The following MMP16 variants were observed in gnomAD, a reference collection of about 807,000 sequenced individuals.
MMP16 encodes the protein matrix metalloproteinase-16.
In MMP16, 12 loss-of-function variants were observed where a neutral mutation model predicts 67.8. The observed-to-expected ratio is 0.18, with a 90% CI of 0.11 to 0.29. The LOEUF (loss-of-function observed/expected upper bound fraction) is 0.29, where lower values mean the gene tolerates loss of function less well. Ranked by LOEUF, MMP16 falls within the 10% of genes least tolerant of loss-of-function variation. MMP16 has a pLI of 1.00. For missense variants in MMP16, 475 were observed against 765.7 expected (o/e 0.62, Z 4.48); for synonymous variants, 249 against 255.9 (o/e 0.97, Z 0.26).
intron 3 of MMP16, among the ~76,000 whole-genome samples, chr8:88,179,298 T>C (rs1282696465): frequency 3.9e-5 from 6 of 152,028 alleles, no homozygotes; most frequent in Non-Finnish European, 7.4e-5. Context: ...ACAAAGGGGC[T>C]TGAAATATTC....
At chr8:88,287,294 C>T (rs1300254410) in intron 1 of MMP16, among the ~76,000 whole-genome samples, 1 of 152,170 alleles carries the variant, frequency 6.6e-6, no homozygotes, top group Admixed American at 6.6e-5. Flanking sequence ...CTCCCCATTC[C>T]TTCTGTATGT....
intron 1 of MMP16, among the ~76,000 whole-genome samples, chr8:88,263,998 G>A (rs969914179): frequency 6.8e-5 from 10 of 147,594 alleles, no homozygotes; most frequent in Non-Finnish European, 1.1e-4. Context: ...GTGTGTGTGT[G>A]TGTGTGTGTG....
intron 1 of MMP16, among the ~76,000 whole-genome samples, chr8:88,197,937 C>A (rs1410424670): frequency 6.6e-6 from 1 of 152,148 alleles, no homozygotes. Context: ...CTAAATCACA[C>A]AAGTAACCAA....
At chr8:88,257,574 C>T (rs948025151) in intron 1 of MMP16, among the ~76,000 whole-genome samples, 1 of 152,078 alleles carries the variant, frequency 6.6e-6, no homozygotes, top group African/African-American at 2.4e-5. Context: ...ATTTATGGGG[C>T]TTAATATCAT....
chr8:88,266,713 G>GA (rs891079264), intron 1 of MMP16, among the ~76,000 whole-genome samples: 54 of 148,844 alleles, frequency 3.6e-4, no homozygotes, highest in Admixed American at 7.4e-4. Context: ...TAAAAACACA[G>GA]AAAAAAAAAA....
At chr8:88,173,897 T>A (rs925350533) in intron 3 of MMP16, among the ~76,000 whole-genome samples, 6 of 152,282 alleles carry the variant, frequency 3.9e-5, no homozygotes, top group Admixed American at 3.3e-4. Flanking sequence ...ACATATTACA[T>A]TGGGTGTTGT....
At chr8:88,275,418 A>G (rs1012012275) in intron 1 of MMP16, among the ~76,000 whole-genome samples, 6 of 151,980 alleles carry the variant, frequency 3.9e-5, no homozygotes, top group Admixed American at 3.9e-4. Context: ...AAGGGTTTGA[A>G]TAATGACTTT....
Position 88,122,085 on chromosome 8 carries a change from C to G in MMP16, c.710-3224G>C, listed in dbSNP as rs1427288360. ...CAAGAGGTCATCACTACCCGGAGTTCTGAATTTCTCATTGCACTGCTTACA... is the reference window on the plus strand; with the variant it reads ...CAAGAGGTCATCACTACCCGGAGTTGTGAATTTCTCATTGCACTGCTTACA... On this transcript the variant is annotated intron_variant, in intron 4 of 9. Coordinates refer to ENST00000286614, the MANE Select transcript of MMP16 (RefSeq NM_005941.5). Among the ~76,000 whole-genome samples, 3 of 152,146 alleles carry G rather than the reference C, an allele frequency of 2.0e-5. No individual in the cohort carries two copies. In the East Asian group the frequency reaches 5.9e-4, roughly 30 times the overall value.
At chr8:88,071,560 T>C (rs945566535) in intron 7 of MMP16, among the ~76,000 whole-genome samples, 1 of 152,086 alleles carries the variant, frequency 6.6e-6, no homozygotes, top group African/African-American at 2.4e-5. Context: ...GCAAAGAGGC[T>C]AAATAAAAGA....
At chr8:88,154,712 T>A (rs1808477117) in intron 4 of MMP16, among the ~76,000 whole-genome samples, 1 of 143,518 alleles carries the variant, frequency 7.0e-6, no homozygotes, top group Non-Finnish European at 1.5e-5. Context: ...CTCTGGGGAC[T>A]GTGGTGGGGT....
chr8:88,295,884 C>A (rs1267384443), intron 1 of MMP16, among the ~76,000 whole-genome samples: 1 of 152,084 alleles, frequency 6.6e-6, no homozygotes, highest in Non-Finnish European at 1.5e-5. Flanking sequence ...GAACCCTGTA[C>A]TGTGCCATTT....
At chr8:88,165,503 T>G (rs1015642015) in intron 4 of MMP16, among the ~76,000 whole-genome samples, 1 of 152,034 alleles carries the variant, frequency 6.6e-6, no homozygotes, top group African/African-American at 2.4e-5. Flanking sequence ...GTCAGTAAAA[T>G]TCTACCATTA....
At chr8:88,223,805 A>G (rs1165246119) in intron 1 of MMP16, among the ~76,000 whole-genome samples, 1 of 151,724 alleles carries the variant, frequency 6.6e-6, no homozygotes, top group East Asian at 1.9e-4. Context: ...CAAACCTGCA[A>G]GTTGTGCACA....
intron 1 of MMP16, among the ~76,000 whole-genome samples, chr8:88,212,000 C>A (rs1252983458): frequency 1.3e-5 from 2 of 151,106 alleles, no homozygotes; most frequent in Admixed American, 6.7e-5. Context: ...GAATGTGCCT[C>A]CTGGGCTTCA....
intron 1 of MMP16, among the ~76,000 whole-genome samples, chr8:88,254,471 G>GA (rs60959637): frequency 8.0e-4 from 109 of 136,434 alleles, no homozygotes; most frequent in African/African-American, 9.6e-4. Flanking sequence ...AGTTAAAAAG[G>GA]AAAAAAAAAA....
At chr8:88,203,495 C>A (rs1372734208) in intron 1 of MMP16, among the ~76,000 whole-genome samples, 8 of 152,100 alleles carry the variant, frequency 5.3e-5, no homozygotes, top group African/African-American at 1.4e-4. Flanking sequence ...ATAAACTTGA[C>A]TTTTACTTAA....
intron 5 of MMP16, among the ~76,000 whole-genome samples, chr8:88,118,340 T>C (rs1217682563): frequency 1.3e-5 from 2 of 151,830 alleles, no homozygotes; most frequent in East Asian, 3.9e-4. Context: ...ATTTTATTTA[T>C]GAAAGTCTTA....
chr8:88,170,583 T>G (rs1377295618), intron 3 of MMP16, among the ~76,000 whole-genome samples: 1 of 152,184 alleles, frequency 6.6e-6, no homozygotes, highest in African/African-American at 2.4e-5. Flanking sequence ...GTGCCAGAGA[T>G]ACAGCTGTGG....
intron 6 of MMP16, among the ~76,000 whole-genome samples, chr8:88,108,950 A>G (rs1178948728): frequency 6.6e-6 from 1 of 151,340 alleles, no homozygotes; most frequent in Non-Finnish European, 1.5e-5. Flanking sequence ...GATACTGTAT[A>G]TTAGATCCAC....
Sources: gnomAD v4.1 joint callset for allele counts (sites outside exome capture counted in the v4.1 genomes callset) on GRCh38, gnomAD v4.1.1 for gene constraint, MANE v1.5 for transcripts, NCBI Gene and HGNC (gene_info 2026-07-23, HGNC 2026-07-21) for gene names.